ZSWIM5: variants seen among roughly 807,000 people sequenced by gnomAD.
ZSWIM5 encodes zinc finger SWIM-type containing 5.
Under a neutral mutation model 119.6 loss-of-function variants are expected in ZSWIM5, and 55 were observed. The observed-to-expected ratio is 0.46, with a 90% CI of 0.37 to 0.58. The LOEUF (loss-of-function observed/expected upper bound fraction) is 0.58, where lower values mean the gene tolerates loss of function less well. ZSWIM5 is among the 20% of genes least tolerant of loss of function. The pLI is 0.00. For synonymous variants in ZSWIM5, 537 were observed against 606.9 expected (o/e 0.88, Z 1.69); for missense variants, 1,193 against 1,512.8 (o/e 0.79, Z 3.51).
chr1:45,132,129 AT>A (rs1327757198), intron 1 of ZSWIM5, among the ~76,000 whole-genome samples: 1 of 150,958 alleles, frequency 6.6e-6, no homozygotes, highest in Non-Finnish European at 1.5e-5. Context: ...CACTATGTAT[AT>A]ATGTAATTGA....
chr1:45,157,517 C>G (rs1244526721), intron 1 of ZSWIM5, among the ~76,000 whole-genome samples: 1 of 152,120 alleles, frequency 6.6e-6, no homozygotes, highest in Non-Finnish European at 1.5e-5. Flanking sequence ...TTTTATGTAT[C>G]AATAGTTTAT....
intron 1 of ZSWIM5, among the ~76,000 whole-genome samples, chr1:45,139,626 T>C (rs1355848015): frequency 1.3e-5 from 2 of 150,458 alleles, no homozygotes; most frequent in Non-Finnish European, 3.0e-5. Flanking sequence ...AGACTACAGG[T>C]ATATGCCACC....
chr1:45,168,171 G>A lies in ZSWIM5; in HGVS notation c.595+37585C>T, dbSNP rs1331645773. Among the ~76,000 whole-genome samples the A allele has an allele frequency of 1.6e-4, 24 of 152,104 alleles. 2 individuals are homozygous for A. Among genetic ancestry groups the A allele is most frequent in the Admixed American group, 1.6e-3 (24 of 15,234 alleles). On this transcript the variant is annotated intron_variant, in intron 1 of 13. Coordinates refer to ENST00000359600, the MANE Select transcript of ZSWIM5 (RefSeq NM_020883.2). Reference sequence around the variant, plus strand: ...AAAAAAGGGTGAGTTCATGTCCTTTGTAGGGACATGGATGAAGCTGGAAAC... The same window carrying A: ...AAAAAAGGGTGAGTTCATGTCCTTTATAGGGACATGGATGAAGCTGGAAAC...
In ZSWIM5 at chr1:45,016,607, T is replaced by C. The variant is rs529233659; in HGVS notation, c.*1847A>G. 6.6e-6 allele frequency: 1 copy of C among 152,294 alleles called. No homozygotes were observed. The highest frequency in any genetic ancestry group is 2.4e-5 in the African/African-American group (1 of 41,558). 9.4% of individuals were successfully genotyped at this position (152,294 alleles called of 1,614,324 possible). The stretch of plus-strand genomic sequence containing the variant: ...GCCACAAATGGCAAATACAACTTCT[T>C]GGTCAGTTTGGAGTAAAAAAGGTGA... On this transcript the variant is annotated 3_prime_UTR_variant, in exon 14 of 14. Transcript: ENST00000359600.
rs1178208144 is a variant in ZSWIM5 at position 45,018,273 on chromosome 1, C to T, written c.*181G>A. ...ATGAACAGTAGGCTGTAGTCAGAAGCTTGCCAAGGTAGGCATTATCGACTA... is the reference window on the plus strand; with the variant it reads ...ATGAACAGTAGGCTGTAGTCAGAAGTTTGCCAAGGTAGGCATTATCGACTA... On this transcript the variant is annotated 3_prime_UTR_variant, in exon 14 of 14. Coordinates refer to ENST00000359600, the MANE Select transcript of ZSWIM5 (RefSeq NM_020883.2). This position sits in a 1 kb window ranked among gnomAD's most constrained non-coding sequence, Gnocchi z 6.7. 13 of 759,902 alleles carry T rather than the reference C, an allele frequency of 1.7e-5. No homozygotes were observed. Among genetic ancestry groups the T allele is most frequent in the Middle Eastern group, 3.8e-4 (1 of 2,628 alleles). The allele number at this position is 759,902 out of a possible 1,614,324, so 47.1% of individuals were successfully genotyped here. A position where few individuals can be genotyped will look rare whatever the true frequency, so the allele number is the denominator to read the frequency against.
chr1:45,130,173 C>T (rs1053893047), intron 1 of ZSWIM5, among the ~76,000 whole-genome samples: 5 of 152,252 alleles, frequency 3.3e-5, no homozygotes, highest in African/African-American at 1.2e-4. Flanking sequence ...GTTGGGATTA[C>T]AGGCGTGGGC....
intron 1 of ZSWIM5, among the ~76,000 whole-genome samples, chr1:45,129,153 G>GTTTTTTTTTTTTTTTTTT (rs869042927): frequency 1.4e-5 from 1 of 70,162 alleles, no homozygotes; most frequent in Non-Finnish European, 2.6e-5. Flanking sequence ...CATACATCTT[G>GTTTTTTTTTTTTTTTTTT]TTTTTTTTTT....
intron 2 of ZSWIM5, among the ~76,000 whole-genome samples, chr1:45,086,934 A>T (rs1282363090): frequency 7.3e-6 from 1 of 137,226 alleles, no homozygotes; most frequent in Admixed American, 7.9e-5. Flanking sequence ...CCCAGGCTGG[A>T]GTGCAGTGGC....
chr1:45,183,493 C>G (rs568718538), intron 1 of ZSWIM5, among the ~76,000 whole-genome samples: 15 of 151,964 alleles, frequency 9.9e-5, no homozygotes, highest in Non-Finnish European at 1.6e-4. Flanking sequence ...AAAATTGATA[C>G]ACCGCTAGCA....
chr1:45,121,602 CTTT>C (rs199811301), intron 1 of ZSWIM5, among the ~76,000 whole-genome samples: 20 of 136,468 alleles, frequency 1.5e-4, no homozygotes, highest in African/African-American at 2.4e-4. Flanking sequence ...TTTTCTTCTT[CTTT>C]TTTTTTTTTT....
intron 1 of ZSWIM5, among the ~76,000 whole-genome samples, chr1:45,138,393 TA>T (rs1435071967): frequency 6.7e-6 from 1 of 149,454 alleles, no homozygotes; most frequent in Non-Finnish European, 1.5e-5. Flanking sequence ...TAGACCCAGC[TA>T]CTCCGGAGGC....
At chr1:45,120,502 C>G (rs534144657) in intron 1 of ZSWIM5, among the ~76,000 whole-genome samples, 1 of 152,158 alleles carries the variant, frequency 6.6e-6, no homozygotes, top group East Asian at 1.9e-4. Context: ...TGCTCTGTTG[C>G]CCAGGCTGGA....
chr1:45,184,073 G>A (rs1387806676), intron 1 of ZSWIM5, among the ~76,000 whole-genome samples: 2 of 152,094 alleles, frequency 1.3e-5, no homozygotes, highest in Admixed American at 6.6e-5. Flanking sequence ...CTTCATCCCT[G>A]GGATGCAAGG....
chr1:45,204,192 C>T (rs1490583269), intron 1 of ZSWIM5, among the ~76,000 whole-genome samples: 1 of 152,104 alleles, frequency 6.6e-6, no homozygotes, highest in African/African-American at 2.4e-5. Context: ...CCTCATCCAT[C>T]TCTTACTATA....
chr1:45,151,714 C>G (rs1037963704), intron 1 of ZSWIM5, among the ~76,000 whole-genome samples: 3 of 152,008 alleles, frequency 2.0e-5, no homozygotes, highest in African/African-American at 7.2e-5. Context: ...AAAGACAAGA[C>G]AAAAAGAATG....
intron 1 of ZSWIM5, among the ~76,000 whole-genome samples, chr1:45,149,086 T>C (rs1645779719): frequency 1.3e-5 from 2 of 151,964 alleles, no homozygotes; most frequent in Admixed American, 6.6e-5. Context: ...CTGGGCAATA[T>C]AGTAAGACTC....
intron 1 of ZSWIM5, among the ~76,000 whole-genome samples, chr1:45,104,816 A>G (rs1645460114): frequency 2.0e-5 from 3 of 152,176 alleles, no homozygotes; most frequent in Admixed American, 6.5e-5. Context: ...AAGAACAGCC[A>G]TTGGCCCCCC....
At chr1:45,127,008 A>C (rs996657071) in intron 1 of ZSWIM5, among the ~76,000 whole-genome samples, 1 of 152,046 alleles carries the variant, frequency 6.6e-6, no homozygotes, top group Non-Finnish European at 1.5e-5. Context: ...CCAGCTGCCA[A>C]ATCACTTTAT....
Position 45,192,286 on chromosome 1 carries a change from T to C in ZSWIM5, c.595+13470A>G, listed in dbSNP as rs559678721. ...TTCAACAGAACAGTAACTCTTCATT[T>C]CTCTCTCCCCTCAGCCCCTGACAAC... On this transcript the variant is annotated intron_variant, in intron 1 of 13. Coordinates refer to ENST00000359600, the MANE Select transcript of ZSWIM5 (RefSeq NM_020883.2). Among the ~76,000 whole-genome samples, 3 of 152,276 alleles carry C rather than the reference T, an allele frequency of 2.0e-5. No homozygotes were observed. In the East Asian group the frequency reaches 5.8e-4, roughly 29 times the overall value.
Sources: allele counts gnomAD v4.1 joint callset (sites outside exome capture counted in the v4.1 genomes callset), GRCh38; gene constraint gnomAD v4.1.1; non-coding constraint Gnocchi (gnomAD v3.1); transcripts MANE v1.5; gene names NCBI Gene and HGNC (gene_info 2026-07-23, HGNC 2026-07-21).